Variants in TROAP observed in about 807,000 individuals in gnomAD.
TROAP encodes trophinin associated protein, also known as tastin.
In TROAP, 62 loss-of-function variants were observed where a neutral mutation model predicts 83.4. That is an observed-to-expected ratio of 0.74 (90% CI 0.61 to 0.92). TROAP has a LOEUF of 0.92. TROAP is among the 40% of genes least tolerant of loss of function. The pLI is 0.00. For missense variants in TROAP, 876 were observed against 985.1 expected (o/e 0.89, Z 1.48); for synonymous variants, 352 against 386.4 (o/e 0.91, Z 1.04).
intron 7 of TROAP, 37 bp downstream of exon 7, chr12:49,326,757 T>C (rs1215088656): frequency 2.6e-6 from 4 of 1,552,716 alleles, no homozygotes; most frequent in African/African-American, 1.4e-5. Flanking sequence ...ACAGGGGCAG[T>C]TGGGCTGCCT....
Position 49,323,994 on chromosome 12 carries a change from C to T in TROAP, c.294C>T (p.Ser98=). 1.9e-6 allele frequency: 3 copies of T among 1,614,046 alleles called. No homozygotes were observed. Among genetic ancestry groups the T allele is most frequent in the South Asian group, 2.2e-5 (2 of 91,084 alleles). ...PRNPLEELRP[S]PRGQNVGPGP... Reference sequence around the variant, plus strand: ...ACCCCTTGGAAGAGCTCAGGCCTAGCCCTAGGGGTCAAAATGTGGGGCCTG... The same window carrying T: ...ACCCCTTGGAAGAGCTCAGGCCTAGTCCTAGGGGTCAAAATGTGGGGCCTG... The change falls in exon 3 of 15, where the codon AGC becomes AGT. Residue 98 remains serine (S), a synonymous_variant. Transcript: ENST00000257909.
At chr12:49,325,146 T>A (rs1264788421) in intron 3 of TROAP, among the ~76,000 whole-genome samples, 1 of 151,916 alleles carries the variant, frequency 6.6e-6, no homozygotes, top group Non-Finnish European at 1.5e-5. Flanking sequence ...CTCAAACTCC[T>A]GACCTCAGGT....
chr12:49,329,102 C>G lies in TROAP; in HGVS notation c.1020+47C>G, dbSNP rs2303614. On this transcript the variant is annotated intron_variant, in intron 9 of 14. Coordinates refer to ENST00000257909, the MANE Select transcript of TROAP (RefSeq NM_005480.4). This position sits in a 1 kb window ranked among gnomAD's most constrained non-coding sequence, Gnocchi z 4.5. ...CTGGGCAGGGGCAGAACAGTCTGGC[C>G]GGAGATCCTTGCTATGTCTGGGTTT... 0.02 allele frequency: 32,309 copies of G among 1,613,874 alleles called. 540 individuals carry two copies. The highest frequency in any genetic ancestry group is 0.08 in the African/African-American group (6,028 of 74,950).
Position 49,331,603 on chromosome 12 carries a change from C to T in TROAP, c.2323C>T (p.Gln775Ter), listed in dbSNP as rs775940053. 1 of 1,614,074 alleles carries T rather than the reference C, an allele frequency of 6.2e-7. No homozygotes were observed. Among genetic ancestry groups the T allele is most frequent in the East Asian group, 2.2e-5 (1 of 44,896 alleles). Residue 775 changes from glutamine (Q) to a stop codon, truncating the protein, a stop_gained, in exon 15 of 15, where the codon CAG becomes TAG. Transcript: ENST00000257909. LOFTEE classifies it high-confidence loss of function. Reference protein sequence around the residue: ...CFIPVGSAAPQGSP With the variant: ...CFIPVGSAAP The stretch of plus-strand genomic sequence containing the variant: ...CATTCCAGTTGGTTCTGCTGCCCCC[C>T]AGGGCTCTCCATGATGAGACAACCA...
Position 49,329,303 on chromosome 12 carries a change from G to A in TROAP, c.1104+59G>A. The A allele has an allele frequency of 6.2e-7, 1 of 1,613,018 alleles. No individual in the cohort carries two copies. The highest frequency in any genetic ancestry group is 8.5e-7 in the Non-Finnish European group (1 of 1,178,962). ...GTCACAGCTAGGGGAGAAAGGAGATGGATGGGTACAGGAGAGAGAAGACAG... is the reference window on the plus strand; with the variant it reads ...GTCACAGCTAGGGGAGAAAGGAGATAGATGGGTACAGGAGAGAGAAGACAG... On this transcript the variant is annotated intron_variant, in intron 10 of 14. Transcript: ENST00000257909. This position sits in a 1 kb window ranked among gnomAD's most constrained non-coding sequence, Gnocchi z 4.5.
rs746358800 is a variant in TROAP at position 49,330,846 on chromosome 12, A to G, written c.2001A>G (p.Pro667=). 1.2e-6 allele frequency: 2 copies of G among 1,613,366 alleles called. No homozygotes were observed. The highest frequency in any genetic ancestry group is 1.3e-5 in the African/African-American group (1 of 75,034). Residue 667 remains proline (P), a synonymous_variant, in exon 13 of 15, where the codon CCA becomes CCG. Coordinates refer to ENST00000257909, the MANE Select transcript of TROAP (RefSeq NM_005480.4). ...SLPPCCSQWA[P]ATTSLIFSSQ... ...CACCCTGCTGCAGTCAGTGGGCTCCAGCAACCACCAGCCTGATCTTCTCTT... is the reference window on the plus strand; with the variant it reads ...CACCCTGCTGCAGTCAGTGGGCTCCGGCAACCACCAGCCTGATCTTCTCTT...
chr12:49,323,677 G>C lies in TROAP; in HGVS notation c.69G>C (p.Pro23=). ...RGVSPTPSKI[P]VRSQKRTPFP... is the part of the protein sequence containing the mutation. Reference sequence around the variant, plus strand: ...TATCTCCTACCCCTAGCAAGATTCCGGTACGCTCTCAGAAACGCACGCCTT... The same window carrying C: ...TATCTCCTACCCCTAGCAAGATTCCCGTACGCTCTCAGAAACGCACGCCTT... The change falls in exon 2 of 15, where the codon CCG becomes CCC. Residue 23 remains proline, a synonymous_variant. Transcript: ENST00000257909. 1 of 1,614,076 alleles carries C rather than the reference G, an allele frequency of 6.2e-7. No homozygotes were observed. The highest frequency in any genetic ancestry group is 8.5e-7 in the Non-Finnish European group (1 of 1,180,010).
chr12:49,324,967 G>A (rs1943475170), intron 3 of TROAP, among the ~76,000 whole-genome samples: 1 of 144,794 alleles, frequency 6.9e-6, no homozygotes, highest in Non-Finnish European at 1.5e-5. Flanking sequence ...CTGGAGTGCA[G>A]TGGCACGATC....
At chr12:49,331,093 G>A in intron 13 of TROAP, 121 bp from the exon 14 acceptor site, 1 of 1,532,546 alleles carries the variant, frequency 6.5e-7, no homozygotes, top group South Asian at 1.1e-5. Context: ...AGAGGGGAGG[G>A]GCTGCACTTC....
At position 49,329,888 on chromosome 12, in the gene TROAP, A is replaced by T. The variant is rs770128660; in HGVS notation, c.1196A>T (p.Glu399Val). The T allele has an allele frequency of 6.2e-7, 1 of 1,613,788 alleles. No homozygotes were observed. The highest frequency in any genetic ancestry group is 8.5e-7 in the Non-Finnish European group (1 of 1,179,958). ...EQVAVRLFDQ[E>V]SCIRSLEGSG... ...GTTGCCGTCCGGTTGTTTGACCAGG[A>T]GAGTTGTATAAGGTCACTGGAGGGT... is the stretch of plus-strand genomic sequence containing the variant. Residue 399 changes from glutamate to valine, a missense_variant, in exon 12 of 15, where the codon GAG becomes GTG. Around this residue, in one of 3 missense-constraint regions of TROAP, gnomAD observed 689 missense variants for 722.6 expected, o/e 0.95. Coordinates refer to ENST00000257909, the MANE Select transcript of TROAP (RefSeq NM_005480.4). This position sits in a 1 kb window ranked among gnomAD's most constrained non-coding sequence, Gnocchi z 4.5.
In TROAP at chr12:49,330,944, G is replaced by A. The variant is rs751780623; in HGVS notation, c.2098+1G>A. 1.2e-6 allele frequency: 2 copies of A among 1,610,098 alleles called. No homozygotes were observed. The highest frequency in any genetic ancestry group is 1.7e-6 in the Non-Finnish European group (2 of 1,179,998). ...TTGAGACCCCCAGCAGGCCAGGCAG[G>A]TAAGGAGTTGGCTGGGAAGGAGTGT... On this transcript the variant is annotated splice_donor_variant, in intron 13 of 14. Transcript: ENST00000257909. LOFTEE classifies it high-confidence loss of function.
chr12:49,331,008 C>A, intron 13 of TROAP, 65 bp downstream of exon 13: 1 of 1,586,990 alleles, frequency 6.3e-7, no homozygotes, highest in Non-Finnish European at 8.6e-7. Context: ...AGCTGCACAC[C>A]TGCCCTGCCC....
Position 49,331,554 on chromosome 12 carries a change from A to C in TROAP, c.2293-19A>C, listed in dbSNP as rs1310966623. The C allele has an allele frequency of 1.2e-6, 2 of 1,614,144 alleles. No homozygotes were observed. Among genetic ancestry groups the C allele is most frequent in the South Asian group, 2.2e-5 (2 of 91,082 alleles). On this transcript the variant is annotated intron_variant, in intron 14 of 14. Coordinates refer to ENST00000257909, the MANE Select transcript of TROAP (RefSeq NM_005480.4). ...GTGCAAGGTTGGCTGAGCTGTGACA[A>C]GGTCTTCTCTGTCTCCAGTGTTTCA...
At position 49,329,072 on chromosome 12, in the gene TROAP, G is replaced by T. The variant is rs1455673457; in HGVS notation, c.1020+17G>T. 4 of 1,612,686 alleles carry T rather than the reference G, an allele frequency of 2.5e-6. No individual in the cohort carries two copies. The highest frequency in any genetic ancestry group is 3.4e-6 in the Non-Finnish European group (4 of 1,178,988). On this transcript the variant is annotated intron_variant, in intron 9 of 14. Transcript: ENST00000257909. The surrounding 1 kb of genome is among the most constrained non-coding windows in gnomAD (Gnocchi z 4.5). ...CCAACTCTGGTTTGTGTCAACAACTGGGGGCTGGGCAGGGGCAGAACAGTC... is the reference window on the plus strand; with the variant it reads ...CCAACTCTGGTTTGTGTCAACAACTTGGGGCTGGGCAGGGGCAGAACAGTC...
At chr12:49,331,519 C>T (rs1009553077) in intron 14 of TROAP, 54 bp from the exon 15 acceptor site, 3 of 1,613,980 alleles carry the variant, frequency 1.9e-6, no homozygotes, top group Non-Finnish European at 2.5e-6. Flanking sequence ...AGCAGGAAGG[C>T]TTGGCTACAG....
In TROAP at chr12:49,323,873, T is replaced by A; in HGVS notation, c.173T>A (p.Ile58Asn). Reference sequence around the variant, plus strand: ...TGGGTGCAGAAACCACCGCTCAATATTCAACGCCCCCTCGTTGATTCAGCA... The same window carrying A: ...TGGGTGCAGAAACCACCGCTCAATAATCAACGCCCCCTCGTTGATTCAGCA... Reference protein sequence around the residue: ...RRWVQKPPLNIQRPLVDSAGP... With the variant: ...RRWVQKPPLNNQRPLVDSAGP... Residue 58 changes from isoleucine (I) to asparagine (N), a missense_variant, in exon 3 of 15, where the codon ATT becomes AAT. Ile to Asn is a moderately radical substitution (Grantham distance 149, BLOSUM62 -3). Coordinates refer to ENST00000257909, the MANE Select transcript of TROAP (RefSeq NM_005480.4). The A allele has an allele frequency of 6.2e-7, 1 of 1,614,008 alleles. No homozygotes were observed. Among genetic ancestry groups the A allele is most frequent in the Non-Finnish European group, 8.5e-7 (1 of 1,180,022 alleles).
intron 6 of TROAP, among the ~76,000 whole-genome samples, chr12:49,326,373 G>A (rs1943500965): frequency 6.6e-6 from 1 of 152,214 alleles, no homozygotes; most frequent in Non-Finnish European, 1.5e-5. Flanking sequence ...GTTTACTCAA[G>A]TCATGGGGGG....
intron 4 of TROAP, 31 bp downstream of exon 4, chr12:49,325,689 T>G: frequency 6.2e-7 from 1 of 1,612,976 alleles, no homozygotes. Flanking sequence ...GAGACCAGGC[T>G]AGGGGGCACT....
intron 7 of TROAP, 103 bp from the exon 8 acceptor site, chr12:49,327,106 G>A (rs1191256262): frequency 7.1e-7 from 1 of 1,409,462 alleles, no homozygotes; most frequent in African/African-American, 1.4e-5. Flanking sequence ...ATAGTGCAAT[G>A]GGGCCTATTA....
Sources: allele counts gnomAD v4.1 joint callset (sites outside exome capture counted in the v4.1 genomes callset), GRCh38; gene constraint gnomAD v4.1.1; regional missense constraint gnomAD v4.1.1; non-coding constraint Gnocchi (gnomAD v3.1); transcripts MANE v1.5; gene names NCBI Gene and HGNC (gene_info 2026-07-23, HGNC 2026-07-21).